AOPEP: variants seen among roughly 807,000 people sequenced by gnomAD.
The protein encoded by AOPEP is aminopeptidase O.
A neutral mutation model predicts 98.1 loss-of-function variants in AOPEP; 77 were observed. That is an observed-to-expected ratio of 0.78 (90% CI 0.65 to 0.95). The LOEUF is 0.95. AOPEP is among the 40% of genes least tolerant of loss of function. The pLI is 0.00. For missense variants in AOPEP, 1,024 were observed against 1,024.7 expected (o/e 1.00, Z 0.01); for synonymous variants, 346 against 365.3 (o/e 0.95, Z 0.60).
chr9:94,761,767 A>T (rs565692384), intron 2 of AOPEP, among the ~76,000 whole-genome samples: 1 of 152,328 alleles, frequency 6.6e-6, no homozygotes, highest in South Asian at 2.1e-4. Context: ...GGGTTGGTGC[A>T]AACTTACCTC....
rs1194211065 is a variant in AOPEP, at chr9:94,955,259, A to C, written c.1744A>C (p.Met582Leu). ...TGGACTTAATCCGGAGAAGATCTTC[A>C]TGCAGGTGCATTATTTAAAGGTAAG... ...KHGLNPEKIF[M>L]QVHYLKGYFL... is the part of the protein sequence containing the mutation. The change falls in exon 8 of 17, where the codon ATG (methionine) becomes CTG (leucine). Residue 582 changes from methionine (M) to leucine (L), a missense_variant. Around this residue, in one of 3 missense-constraint regions of AOPEP, gnomAD observed 566 missense variants for 551.7 expected, o/e 1.03. Transcript: ENST00000375315. 1.9e-6 allele frequency: 3 copies of C among 1,612,216 alleles called. No individual in the cohort carries two copies. The highest frequency in any genetic ancestry group is 2.5e-6 in the Non-Finnish European group (3 of 1,178,878).
chr9:95,080,003 C>T (rs949147361), intron 14 of AOPEP, among the ~76,000 whole-genome samples: 3 of 152,212 alleles, frequency 2.0e-5, no homozygotes, highest in Non-Finnish European at 4.4e-5. Context: ...GTCAAATCTG[C>T]TGCAGGAACT....
At chr9:94,891,632 C>T (rs1211783225) in intron 5 of AOPEP, among the ~76,000 whole-genome samples, 1 of 152,132 alleles carries the variant, frequency 6.6e-6, no homozygotes, top group African/African-American at 2.4e-5. Context: ...AGAACTCTTC[C>T]ATTTAGATAC....
the AOPEP span, chr9:95,117,232 A>G: frequency 8.5e-7 from 1 of 1,177,564 alleles, no homozygotes; most frequent in East Asian, 2.3e-5. Flanking sequence ...TGCTGTAGAT[A>G]AGGGCCTGAT....
intron 1 of AOPEP, among the ~76,000 whole-genome samples, chr9:94,741,275 ATTTTT>A (rs1833008843): frequency 1.3e-5 from 2 of 149,240 alleles, no homozygotes; most frequent in Admixed American, 1.3e-4. Flanking sequence ...TTATTTTTTT[ATTTTT>A]TTATTTTTTT....
At chr9:94,734,121 T>G (rs1385223640) in intron 1 of AOPEP, among the ~76,000 whole-genome samples, 1 of 152,100 alleles carries the variant, frequency 6.6e-6, no homozygotes, top group East Asian at 1.9e-4. Context: ...TACTTGAGCT[T>G]ATTTTGCCTC....
intron 5 of AOPEP, chr9:94,904,158 GGA>G (rs1387546112): frequency 2.0e-5 from 3 of 152,132 alleles, no homozygotes; most frequent in African/African-American, 7.2e-5. Flanking sequence ...CAGAAGTAAA[GGA>G]GATGAAATCA....
At chr9:94,878,672 T>C (rs962616067) in intron 5 of AOPEP, among the ~76,000 whole-genome samples, 7 of 152,194 alleles carry the variant, frequency 4.6e-5, no homozygotes, top group African/African-American at 1.7e-4. Flanking sequence ...CCAACTTATG[T>C]TTTCCAGTGG....
chr9:94,803,618 A>G (rs1848640386), intron 5 of AOPEP, among the ~76,000 whole-genome samples: 1 of 152,242 alleles, frequency 6.6e-6, no homozygotes, highest in African/African-American at 2.4e-5. Context: ...AAGAAGGTAA[A>G]TAATACACAA....
chr9:94,824,516 C>A (rs1009757165), intron 5 of AOPEP: 2 of 152,202 alleles, frequency 1.3e-5, no homozygotes, highest in Non-Finnish European at 2.9e-5. Context: ...AAATTCAGCT[C>A]GAAACAGGAT....
chr9:95,030,880 A>G (rs117652314), intron 13 of AOPEP, among the ~76,000 whole-genome samples: 2 of 152,304 alleles, frequency 1.3e-5, no homozygotes, highest in Non-Finnish European at 2.9e-5. Context: ...TACTCAACTT[A>G]TTTCTAAGAA....
intron 11 of AOPEP, chr9:95,003,971 A>G (rs1016850504): frequency 5.3e-5 from 13 of 246,804 alleles, no homozygotes; most frequent in Non-Finnish European, 1.1e-4. Context: ...TGATGTCTCC[A>G]TTAAGCTCCT....
chr9:95,014,457 G>A (rs2062819372), intron 13 of AOPEP, among the ~76,000 whole-genome samples: 2 of 151,698 alleles, frequency 1.3e-5, no homozygotes, highest in Admixed American at 6.6e-5. Context: ...GGGTGACAGA[G>A]CAAGACCCTG....
At chr9:94,729,159 A>G (rs1003888204) in intron 1 of AOPEP, among the ~76,000 whole-genome samples, 15 of 152,212 alleles carry the variant, frequency 9.9e-5, no homozygotes, top group African/African-American at 3.4e-4. Context: ...CAGAAGGTGG[A>G]TGATTCCATT....
intron 13 of AOPEP, among the ~76,000 whole-genome samples, chr9:95,009,318 C>T (rs1233772959): frequency 6.6e-6 from 1 of 151,222 alleles, no homozygotes; most frequent in East Asian, 1.9e-4. Context: ...TTTAGTAACT[C>T]TTTTATCAAT....
intron 13 of AOPEP, among the ~76,000 whole-genome samples, chr9:95,059,429 A>G (rs2067123352): frequency 2.0e-5 from 3 of 151,984 alleles, no homozygotes; most frequent in South Asian, 2.1e-4. Context: ...GAGAAAACAG[A>G]TACCTAGTGG....
At position 94,960,738 on chromosome 9, in the gene AOPEP, T is replaced by C. The variant is rs539164638; in HGVS notation, c.1872+4723T>C. On this transcript the variant is annotated intron_variant, in intron 9 of 16. Transcript: ENST00000375315. ...TGCGTAAGAATGCTTGTGGGCCGGG[T>C]GCGGTGGCTCACGCCTGTAATCCCA... is the stretch of plus-strand genomic sequence containing the variant. 8.7e-4 allele frequency among the ~76,000 whole-genome samples: 132 copies of C among 151,652 alleles called. 1 individual carries two copies. The South Asian group carries it at 0.019, about 22-fold the overall frequency.
chr9:95,032,228 G>A (rs1344137697), intron 13 of AOPEP, among the ~76,000 whole-genome samples: 1 of 152,156 alleles, frequency 6.6e-6, no homozygotes, highest in Non-Finnish European at 1.5e-5. Flanking sequence ...TCCTTTTCAG[G>A]CCACCCCCAC....
chr9:95,084,705 T>C (rs1447356006), intron 16 of AOPEP, among the ~76,000 whole-genome samples: 4 of 152,070 alleles, frequency 2.6e-5, no homozygotes, highest in African/African-American at 9.7e-5. Flanking sequence ...TGGTCACAAG[T>C]CTCCCTTTTC....
Sources: allele counts gnomAD v4.1 joint callset (sites outside exome capture counted in the v4.1 genomes callset), GRCh38; gene constraint gnomAD v4.1.1; regional missense constraint gnomAD v4.1.1; transcripts MANE v1.5; gene names NCBI Gene and HGNC (gene_info 2026-07-23, HGNC 2026-07-21).